EBF2: variants seen among roughly 807,000 people sequenced by gnomAD.
EBF2 encodes the protein transcription factor COE2.
A neutral mutation model predicts 72.8 loss-of-function variants in EBF2; 21 were observed. That is an observed-to-expected ratio of 0.29 (90% confidence interval 0.20 to 0.42). EBF2 has a LOEUF of 0.42. Among genes scored for constraint, EBF2 ranks in the 10% least tolerant of loss-of-function variants. The probability of loss-of-function intolerance (pLI) is 1.00; values close to 1 mark genes in which losing one functional copy is unlikely to be tolerated. For synonymous variants in EBF2, 299 were observed against 274.2 expected (o/e 1.09, Z -0.89); for missense variants, 637 against 731.2 (o/e 0.87, Z 1.49).
intron 6 of EBF2, among the ~76,000 whole-genome samples, chr8:25,917,639 T>G (rs1167481213): frequency 1.3e-5 from 2 of 152,152 alleles, no homozygotes. Context: ...AGAATACAAA[T>G]CTATTTCCCT....
At chr8:25,975,707 AT>A (rs1031163206) in intron 6 of EBF2, among the ~76,000 whole-genome samples, 1 of 152,142 alleles carries the variant, frequency 6.6e-6, no homozygotes, top group African/African-American at 2.4e-5. Context: ...TTAAATGAGT[AT>A]TTATGTTCCC....
rs904055857 is a variant in EBF2 at position 25,858,410 on chromosome 8, C to G, written c.1437G>C (p.Met479Ile). The change falls in exon 14 of 16, where the codon ATG becomes ATC. Residue 479 changes from methionine to isoleucine, a missense_variant. Met to Ile is a conservative substitution (Grantham distance 10). Transcript: ENST00000520164. ...CCATGGGGACATTGCTGTAGCCATT[C>G]ATACTGTTGCTGGAGGTACTGTAAT... ...QSNYSTSSNS[M>I]NGYSNVPMAN... 1.8e-5 allele frequency: 29 copies of G among 1,614,004 alleles called. No homozygotes were observed. The highest frequency in any genetic ancestry group is 2.5e-5 in the Non-Finnish European group (29 of 1,180,024).
At position 25,887,936 on chromosome 8, in the gene EBF2, C is replaced by A; in HGVS notation, c.788G>T (p.Gly263Val). 6.2e-7 allele frequency: 1 copy of A among 1,613,706 alleles called. No homozygotes were observed. Among genetic ancestry groups the A allele is most frequent in the Non-Finnish European group, 8.5e-7 (1 of 1,179,830 alleles). Residue 263 changes from glycine to valine, a missense_variant, in exon 9 of 16, where the codon GGC becomes GTC. Around this residue, in one of 3 missense-constraint regions of EBF2, gnomAD observed 204 missense variants for 301.2 expected, o/e 0.68. Coordinates refer to ENST00000520164, the MANE Select transcript of EBF2 (RefSeq NM_022659.4). ...GACCATGGCTCCTCCTGTGGTCCAG[C>A]CTTCACTCGGGCTAATGGCTTTGAT... ...PCIKAISPSEGWTTGGAMVII... is the reference protein window; with the variant it reads ...PCIKAISPSEVWTTGGAMVII...
intron 7 of EBF2, among the ~76,000 whole-genome samples, chr8:25,891,292 A>G (rs770035881): frequency 3.9e-5 from 6 of 152,130 alleles, no homozygotes; most frequent in Non-Finnish European, 8.8e-5. Flanking sequence ...TGGAGCTCCC[A>G]CCGAATCACT....
At chr8:25,931,601 T>G (rs573271423) in intron 6 of EBF2, among the ~76,000 whole-genome samples, 2 of 152,336 alleles carry the variant, frequency 1.3e-5, no homozygotes, top group East Asian at 3.9e-4. Context: ...TCCAGCTACA[T>G]TCCTTCCAAT....
chr8:26,006,075 C>T (rs1184732566), intron 6 of EBF2, among the ~76,000 whole-genome samples: 1 of 152,106 alleles, frequency 6.6e-6, no homozygotes, highest in Non-Finnish European at 1.5e-5. Flanking sequence ...GAGACAAATG[C>T]AGAGTGGGAA....
At chr8:25,946,408 C>G (rs1803769475) in intron 6 of EBF2, among the ~76,000 whole-genome samples, 1 of 152,186 alleles carries the variant, frequency 6.6e-6, no homozygotes, top group African/African-American at 2.4e-5. Flanking sequence ...AGTGAAGTGA[C>G]TGAGAAGAAA....
chr8:25,883,429 T>C (rs1802635624), intron 10 of EBF2, among the ~76,000 whole-genome samples: 1 of 141,406 alleles, frequency 7.1e-6, no homozygotes, highest in African/African-American at 2.8e-5. Flanking sequence ...TTTTTTTTTT[T>C]AACTTCTGTC....
chr8:25,950,762 C>G (rs906734967), intron 6 of EBF2, among the ~76,000 whole-genome samples: 9 of 152,174 alleles, frequency 5.9e-5, no homozygotes, highest in Non-Finnish European at 1.3e-4. Flanking sequence ...TTTAGACCAT[C>G]TTTTCATCCC....
intron 6 of EBF2, among the ~76,000 whole-genome samples, chr8:26,024,395 G>A (rs918883999): frequency 6.6e-6 from 1 of 151,968 alleles, no homozygotes; most frequent in Non-Finnish European, 1.5e-5. Flanking sequence ...GCTCTTAATG[G>A]GAAAGCTTTC....
intron 6 of EBF2, among the ~76,000 whole-genome samples, chr8:25,910,762 C>T (rs1364669844): frequency 6.6e-6 from 1 of 152,006 alleles, no homozygotes; most frequent in Non-Finnish European, 1.5e-5. Context: ...CAGCCCCGTG[C>T]ACTCTGAGGA....
chr8:25,871,918 G>A (rs1299124688), intron 10 of EBF2, among the ~76,000 whole-genome samples: 3 of 150,940 alleles, frequency 2.0e-5, no homozygotes, highest in Non-Finnish European at 4.4e-5. Context: ...CTTTTTTAAA[G>A]TAAATAGTAT....
At chr8:25,911,159 G>T (rs1803123092) in intron 6 of EBF2, among the ~76,000 whole-genome samples, 1 of 152,084 alleles carries the variant, frequency 6.6e-6, no homozygotes, top group South Asian at 2.1e-4. Context: ...AATCCCCTGG[G>T]TCTAGATCCC....
At chr8:26,000,398 T>C (rs1409313080) in intron 6 of EBF2, among the ~76,000 whole-genome samples, 4 of 152,182 alleles carry the variant, frequency 2.6e-5, no homozygotes, top group African/African-American at 4.8e-5. Flanking sequence ...ATGGTCCCTG[T>C]TGTCTCTGCA....
chr8:26,005,548 A>ATATTT (rs1563206092), intron 6 of EBF2, among the ~76,000 whole-genome samples: 6 of 38,020 alleles, frequency 1.6e-4, no homozygotes, highest in South Asian at 2.1e-3. Flanking sequence ...TATTTTATAT[A>ATATTT]TATATATATA....
At chr8:25,907,915 C>G (rs1437516980) in intron 7 of EBF2, among the ~76,000 whole-genome samples, 1 of 152,130 alleles carries the variant, frequency 6.6e-6, no homozygotes. Context: ...TAGCTCGTCT[C>G]CTCAGTACAT....
intron 10 of EBF2, among the ~76,000 whole-genome samples, chr8:25,877,561 C>A (rs894709231): frequency 1.3e-5 from 2 of 152,118 alleles, no homozygotes; most frequent in Non-Finnish European, 2.9e-5. Context: ...CAGTGGCAAC[C>A]ATGGGGGTCT....
At chr8:25,958,372 G>T (rs1326126316) in intron 6 of EBF2, among the ~76,000 whole-genome samples, 1 of 151,354 alleles carries the variant, frequency 6.6e-6, no homozygotes, top group African/African-American at 2.4e-5. Flanking sequence ...AAACATAAAT[G>T]CACCTCCACT....
intron 6 of EBF2, among the ~76,000 whole-genome samples, chr8:26,016,271 C>A (rs894896739): frequency 1.3e-5 from 2 of 152,210 alleles, no homozygotes; most frequent in Admixed American, 1.3e-4. Context: ...CAACTGCACA[C>A]CACTGTGCCT....
Sources: gnomAD v4.1 joint callset for allele counts (sites outside exome capture counted in the v4.1 genomes callset) on GRCh38, gnomAD v4.1.1 for gene constraint, gnomAD v4.1.1 regional missense constraint, MANE v1.5 for transcripts, NCBI Gene and HGNC (gene_info 2026-07-23, HGNC 2026-07-21) for gene names.